Variants in ZNF701 observed in about 807,000 individuals in gnomAD.
ZNF701 encodes the protein zinc finger protein 701.
In ZNF701, 6 loss-of-function variants were observed where a neutral mutation model predicts 7.1. That is an observed-to-expected ratio of 0.84 (90% confidence interval 0.46 to 1.66). ZNF701 has a LOEUF of 1.66. ZNF701 is among the 40% of genes most tolerant of loss of function. The pLI, the probability that ZNF701 is intolerant of heterozygous loss-of-function variation, is 0.01. For missense variants in ZNF701, 541 were observed against 559.2 expected, an observed-to-expected ratio of 0.97 and a Z score of 0.33; for synonymous variants, 166 against 188.2, an observed-to-expected ratio of 0.88 and a Z score of 0.97.
chr19:52,582,004 C>G (rs1422695530), intron 3 of ZNF701, among the ~76,000 whole-genome samples, 198 bp from the exon 4 acceptor site: 1 of 152,154 alleles, frequency 6.6e-6, no homozygotes, highest in African/African-American at 2.4e-5. Flanking sequence ...TGGAAATAGG[C>G]TTCCATAAAA....
Position 52,584,344 on chromosome 19 carries a change from C to T in ZNF701, c.*887C>T, listed in dbSNP as rs538473978. ...AGTGTTTATGTTAAGAGGATTGGGC[C>T]AGGCGTGTGGCTCACGCCTGTAAAT... On this transcript the variant is annotated 3_prime_UTR_variant, in exon 4 of 4. Coordinates refer to ENST00000391785, the MANE Select transcript of ZNF701 (RefSeq NM_018260.3). The T allele has an allele frequency of 1.1e-5, 2 of 177,620 alleles. No homozygotes were observed. The highest frequency in any genetic ancestry group is 1.3e-4 in the South Asian group (1 of 7,460). 11.0% of individuals were successfully genotyped at this position (177,620 alleles called of 1,614,324 possible).
At chr19:52,597,806 G>A in the ZNF701 span, 5 of 184,404 alleles carry the variant, frequency 2.7e-5, no homozygotes, top group South Asian at 1.1e-4. Flanking sequence ...GCAGGGTCTC[G>A]AGGGGGCGGG....
Position 52,584,190 on chromosome 19 carries a change from T to G in ZNF701, c.*733T>G. The G allele has an allele frequency of 7.7e-6, 2 of 261,302 alleles. No individual in the cohort carries two copies. 16.2% of individuals were successfully genotyped at this position (261,302 alleles called of 1,614,324 possible). A position where few individuals can be genotyped will look rare whatever the true frequency, so the allele number is the denominator to read the frequency against. On this transcript the variant is annotated 3_prime_UTR_variant, in exon 4 of 4. Transcript: ENST00000391785. ...TCCTTGCAGAATATCATAACGTTCATTTTTGAGGTAATAGTTACAAATGCG... is the reference window on the plus strand; with the variant it reads ...TCCTTGCAGAATATCATAACGTTCAGTTTTGAGGTAATAGTTACAAATGCG...
chr19:52,599,048 G>A, the ZNF701 span, among the ~76,000 whole-genome samples: 1 of 149,728 alleles, frequency 6.7e-6, no homozygotes, highest in Non-Finnish European at 1.5e-5. Flanking sequence ...TTTTTTTTTA[G>A]ACAGAGTTTT....
At chr19:52,589,280 C>A (rs1600095264), downstream of ZNF701, among the ~76,000 whole-genome samples, 1 of 152,092 alleles carries the variant, frequency 6.6e-6, no homozygotes, top group Non-Finnish European at 1.5e-5. Flanking sequence ...TTTATATTTT[C>A]TATTCCTTGA....
chr19:52,578,981 C>T (rs2059957087), intron 3 of ZNF701, among the ~76,000 whole-genome samples: 1 of 147,106 alleles, frequency 6.8e-6, no homozygotes, highest in African/African-American at 2.7e-5. Flanking sequence ...CTCCTGACCT[C>T]GTGATCCACC....
intron 3 of ZNF701, among the ~76,000 whole-genome samples, chr19:52,577,881 T>C (rs1406438492): frequency 6.6e-6 from 1 of 152,038 alleles, no homozygotes; most frequent in Non-Finnish European, 1.5e-5. Context: ...TTCATGCTCC[T>C]CCCGTACTCC....
chr19:52,592,799 A>T, the ZNF701 span, among the ~76,000 whole-genome samples: 1 of 119,626 alleles, frequency 8.4e-6, no homozygotes, highest in African/African-American at 3.2e-5. Context: ...TATTTTTTTT[A>T]TTGATCATTC....
chr19:52,582,824 G>T lies in ZNF701; in HGVS notation c.765G>T (p.Lys255Asn). The change falls in exon 4 of 4, where the codon AAG (lysine) becomes AAT (asparagine). Residue 255 changes from lysine (K) to asparagine (N), a missense_variant. Lys to Asn is a moderately conservative substitution (Grantham distance 94). Coordinates refer to ENST00000391785, the MANE Select transcript of ZNF701 (RefSeq NM_018260.3). ...TATGCGGCAAGGACTTTCATCAGAA[G>T]CGATACCTTGCATGCCATAGATGTC... The part of the protein sequence containing the change: ...CDVCGKDFHQ[K>N]RYLACHRCHT... The T allele has an allele frequency of 6.2e-7, 1 of 1,614,174 alleles. No individual in the cohort carries two copies. Among genetic ancestry groups the T allele is most frequent in the South Asian group, 1.1e-5 (1 of 91,078 alleles).
rs992920334 is a variant in ZNF701 at position 52,578,171 on chromosome 19, A to G, written c.142+2150A>G. ...CGGGAGGCTGAGGCAGGAGAATGGC[A>G]TGAACCCGGGAGGCAGAGCTTGCAG... is the stretch of plus-strand genomic sequence containing the variant. On this transcript the variant is annotated intron_variant, in intron 3 of 3. Coordinates refer to ENST00000391785, the MANE Select transcript of ZNF701 (RefSeq NM_018260.3). Among the ~76,000 whole-genome samples, 15 of 145,796 alleles carry G rather than the reference A, an allele frequency of 1.0e-4. No individual in the cohort carries two copies. In the East Asian group the frequency reaches 1.3e-3, roughly 12 times the overall value.
intron 3 of ZNF701, among the ~76,000 whole-genome samples, chr19:52,577,298 C>T (rs2146985255): frequency 6.6e-6 from 1 of 152,218 alleles, no homozygotes; most frequent in Admixed American, 6.5e-5. Context: ...CAGGGTTTCA[C>T]CATGTTGGCC....
rs1435299178 is a variant in ZNF701, at chr19:52,584,781, A to G, written c.*1324A>G. ...TGCTGCTATTGCATTGTGCAAATCCACTGAATGTGTTGATTAGTTCCAGTA... is the reference window on the plus strand; with the variant it reads ...TGCTGCTATTGCATTGTGCAAATCCGCTGAATGTGTTGATTAGTTCCAGTA... On this transcript the variant is annotated 3_prime_UTR_variant, in exon 4 of 4. Coordinates refer to ENST00000391785, the MANE Select transcript of ZNF701 (RefSeq NM_018260.3). The G allele has an allele frequency of 6.6e-6, 1 of 152,178 alleles. No homozygotes were observed. Among genetic ancestry groups the G allele is most frequent in the African/African-American group, 2.4e-5 (1 of 41,442 alleles). The allele number at this position is 152,178 out of a possible 1,614,324, so 9.4% of individuals were successfully genotyped here. A position where few individuals can be genotyped will look rare whatever the true frequency, so the allele number is the denominator to read the frequency against.
At chr19:52,593,403 G>A in the ZNF701 span, among the ~76,000 whole-genome samples, 106,517 of 107,592 alleles carry the variant, frequency 0.99, 52,769 homozygotes, top group Middle Eastern at 1. Flanking sequence ...CTGGCCTGGC[G>A]GGGGGCTGAC....
At chr19:52,576,535 C>G (rs1027701653) in intron 3 of ZNF701, among the ~76,000 whole-genome samples, 1 of 151,968 alleles carries the variant, frequency 6.6e-6, no homozygotes, top group African/African-American at 2.4e-5. Context: ...GCAAGACTCT[C>G]TCTCAAAAAA....
chr19:52,596,778 C>T, the ZNF701 span: 1 of 531,628 alleles, frequency 1.9e-6, no homozygotes, highest in Non-Finnish European at 3.9e-6. Context: ...GGAAAGAAAC[C>T]TTACACATGT....
the ZNF701 span, among the ~76,000 whole-genome samples, chr19:52,595,218 C>T: frequency 6.6e-6 from 1 of 151,456 alleles, no homozygotes; most frequent in Non-Finnish European, 1.5e-5. Context: ...TTTAAAATAA[C>T]TGTTGCTTTT....
the ZNF701 span, chr19:52,597,424 C>G: frequency 5.9e-6 from 3 of 509,302 alleles, no homozygotes; most frequent in Non-Finnish European, 1.2e-5. Flanking sequence ...GATAACTGTT[C>G]CAAATACAGT....
chr19:52,596,539 G>C, the ZNF701 span: 44 of 407,742 alleles, frequency 1.1e-4, no homozygotes, highest in Non-Finnish European at 1.7e-4. Flanking sequence ...TGTTACACAT[G>C]TAACGAATGT....
chr19:52,578,253 C>CAAAA (rs58385761), intron 3 of ZNF701, among the ~76,000 whole-genome samples: 119 of 40,556 alleles, frequency 2.9e-3, no homozygotes, highest in Middle Eastern at 0.013. Context: ...GACTCCGTCT[C>CAAAA]AAAAAAAAAA....
Sources: gnomAD v4.1 joint callset for allele counts (sites outside exome capture counted in the v4.1 genomes callset) on GRCh38, gnomAD v4.1.1 for gene constraint, MANE v1.5 for transcripts, NCBI Gene and HGNC (gene_info 2026-07-23, HGNC 2026-07-21) for gene names.